The following AMPD3 variants were observed in gnomAD, a reference collection of about 807,000 sequenced individuals.
AMPD3 encodes AMP deaminase 3.
Under a neutral mutation model 82.3 loss-of-function variants are expected in AMPD3, and 57 were observed. The ratio of observed to expected loss-of-function variants is 0.69; its 90% CI spans 0.56 to 0.86. The LOEUF (loss-of-function observed/expected upper bound fraction) is 0.86. AMPD3 is among the 40% of genes least tolerant of loss of function. AMPD3 has a pLI of 0.00. For synonymous variants in AMPD3, 381 were observed against 394.7 expected (o/e 0.97, Z 0.41); for missense variants, 870 against 1,003.8 (o/e 0.87, Z 1.80).
At chr11:10,470,125 T>C (rs1848546620) in intron 2 of AMPD3, among the ~76,000 whole-genome samples, 1 of 152,000 alleles carries the variant, frequency 6.6e-6, no homozygotes, top group East Asian at 1.9e-4. Context: ...CACGATCAAG[T>C]TGGCTTCATA....
At position 10,500,156 on chromosome 11, in the gene AMPD3, A is replaced by G; in HGVS notation, c.1628A>G (p.Asn543Ser). The change falls in exon 11 of 15, where the codon AAC (asparagine) becomes AGC (serine). Residue 543 changes from asparagine (N) to serine (S), a missense_variant. By Grantham distance (46) the Asn-to-Ser change is conservative. Transcript: ENST00000396553. ...CACATGTTTTCCGACAAGAGCCCAA[A>G]CCCGGACGTCTGGACCAGTGAGCAG... ...SDHMFSDKSP[N>S]PDVWTSEQNP... 1.9e-6 allele frequency: 3 copies of G among 1,614,170 alleles called. No individual in the cohort carries two copies. The highest frequency in any genetic ancestry group is 2.2e-5 in the East Asian group (1 of 44,870).
rs772338681 is a variant in AMPD3 at position 10,495,035 on chromosome 11, G to A, written c.1266+5G>A. 166 of 1,614,040 alleles carry A rather than the reference G, an allele frequency of 1.0e-4. No homozygotes were observed. The highest frequency in any genetic ancestry group is 1.4e-4 in the Non-Finnish European group (162 of 1,180,000). ...TACTTTGCTCGGATGGTCAAGGTGAGTGAACCCTCAGTCTCTCTGAGGCCT... is the reference window on the plus strand; with the variant it reads ...TACTTTGCTCGGATGGTCAAGGTGAATGAACCCTCAGTCTCTCTGAGGCCT... On this transcript the variant is annotated splice_donor_5th_base_variant and intron_variant, in intron 8 of 14. Transcript: ENST00000396553.
intron 1 of AMPD3, chr11:10,455,809 T>G (rs1848075279): frequency 1.4e-6 from 1 of 698,628 alleles, no homozygotes; most frequent in Non-Finnish European, 1.8e-6. Flanking sequence ...TGGGGTGCCC[T>G]TGGGAGGGCT....
intron 2 of AMPD3, among the ~76,000 whole-genome samples, chr11:10,476,084 TG>T (rs1848727891): frequency 6.6e-6 from 1 of 152,188 alleles, no homozygotes; most frequent in Non-Finnish European, 1.5e-5. Flanking sequence ...TGTGGCAATT[TG>T]TTCTGCAGCA....
chr11:10,461,967 A>G (rs907025295), intron 2 of AMPD3, among the ~76,000 whole-genome samples: 8 of 152,198 alleles, frequency 5.3e-5, no homozygotes, highest in Non-Finnish European at 7.3e-5. Context: ...ATGTGAAAAA[A>G]TACACACCAT....
chr11:10,473,767 A>T (rs890710234), intron 2 of AMPD3, among the ~76,000 whole-genome samples: 6 of 152,136 alleles, frequency 3.9e-5, no homozygotes, highest in Non-Finnish European at 5.9e-5. Context: ...CCCTCCTTAG[A>T]TGGGGGTCCC....
intron 12 of AMPD3, 124 bp downstream of exon 12, chr11:10,501,714 G>T: frequency 6.6e-7 from 1 of 1,511,094 alleles, no homozygotes; most frequent in Non-Finnish European, 8.8e-7. Context: ...TCCTTATCTT[G>T]GTTTTATTTT....
At chr11:10,461,355 T>A in intron 1 of AMPD3, 160 bp from the exon 2 acceptor site, 1 of 1,592,386 alleles carries the variant, frequency 6.3e-7, no homozygotes, top group Non-Finnish European at 8.5e-7. Flanking sequence ...CTTATTGAGC[T>A]AATTTTGAAA....
intron 2 of AMPD3, among the ~76,000 whole-genome samples, chr11:10,465,564 G>A (rs1384581882): frequency 6.6e-6 from 1 of 152,196 alleles, no homozygotes; most frequent in Non-Finnish European, 1.5e-5. Context: ...CCCAAGGAGG[G>A]TGAGCCAAAG....
At position 10,495,605 on chromosome 11, in the gene AMPD3, G is replaced by A. The variant is rs376077336; in HGVS notation, c.1302G>A (p.Gln434=). The part of the protein sequence containing the change: ...VARELEESKY[Q]YSEPRLSIYG... ...GGGAGCTGGAGGAGAGCAAGTACCAGTACTCAGAGCCACGGCTCTCCATCT... is the reference window on the plus strand; with the variant it reads ...GGGAGCTGGAGGAGAGCAAGTACCAATACTCAGAGCCACGGCTCTCCATCT... Residue 434 remains glutamine (Q), a synonymous_variant, in exon 9 of 15, where the codon CAG becomes CAA. Transcript: ENST00000396553. 806 of 1,613,474 alleles carry A rather than the reference G, an allele frequency of 5.0e-4. No homozygotes were observed. The highest frequency in any genetic ancestry group is 6.7e-4 in the Non-Finnish European group (786 of 1,180,036).
rs747321609 is a variant in AMPD3 at position 10,484,451 on chromosome 11, G to A, written c.590-369G>A. On this transcript the variant is annotated intron_variant, in intron 4 of 14. Transcript: ENST00000396553. The stretch of plus-strand genomic sequence containing the variant: ...ACCGCTGCTCTTTTTAATATTCCTG[G>A]AATCTCTGAAGTGCCGAGGAAAATG... The A allele has an allele frequency of 4.1e-6, 4 of 985,174 alleles. No individual in the cohort carries two copies. The African/African-American group carries it at 7.0e-5, about 17-fold the overall frequency. 61.0% of individuals were successfully genotyped at this position (985,174 alleles called of 1,614,324 possible).
At chr11:10,490,841 G>A (rs991737359) in intron 6 of AMPD3, among the ~76,000 whole-genome samples, 1 of 152,196 alleles carries the variant, frequency 6.6e-6, no homozygotes, top group Non-Finnish European at 1.5e-5. Flanking sequence ...TGCATCCCAC[G>A]TGAGCCCAGC....
chr11:10,487,754 C>T (rs1307598802), intron 6 of AMPD3, among the ~76,000 whole-genome samples: 1 of 152,100 alleles, frequency 6.6e-6, no homozygotes, highest in Non-Finnish European at 1.5e-5. Flanking sequence ...TCTTTGGTCC[C>T]CTCCTTGTGT....
Position 10,505,910 on chromosome 11 carries a change from C to A in AMPD3, c.*26C>A. The A allele has an allele frequency of 6.2e-7, 1 of 1,613,598 alleles. No homozygotes were observed. The highest frequency in any genetic ancestry group is 8.5e-7 in the Non-Finnish European group (1 of 1,179,856). ...GTCCAGCATTTGACATGCATTTTAA[C>A]TTTTTGGTTCAATTTCAAGTCTGCT... is the stretch of plus-strand genomic sequence containing the variant. On this transcript the variant is annotated 3_prime_UTR_variant, in exon 15 of 15. Coordinates refer to ENST00000396553, the MANE Select transcript of AMPD3 (RefSeq NM_001025389.2).
intron 3 of AMPD3, among the ~76,000 whole-genome samples, chr11:10,480,273 G>A (rs1048304171): frequency 2.6e-5 from 4 of 152,246 alleles, no homozygotes; most frequent in African/African-American, 9.6e-5. Flanking sequence ...CCTCTCTGAT[G>A]TCCTTAGCCA....
chr11:10,489,831 GCAC>G (rs1015508041), intron 6 of AMPD3, among the ~76,000 whole-genome samples: 2 of 151,928 alleles, frequency 1.3e-5, no homozygotes, highest in Admixed American at 1.3e-4. Flanking sequence ...TAGGTGCCTG[GCAC>G]CACTCCTGGC....
chr11:10,471,994 C>T (rs1226337690), intron 2 of AMPD3, among the ~76,000 whole-genome samples: 9 of 152,124 alleles, frequency 5.9e-5, no homozygotes, highest in African/African-American at 9.7e-5. Flanking sequence ...CACATGCACA[C>T]GTATGTTTAT....
rs1849012914 is a variant in AMPD3, at chr11:10,484,714, G to A, written c.590-106G>A. The A allele has an allele frequency of 8.5e-6, 12 of 1,419,572 alleles. No individual in the cohort carries two copies. The South Asian group carries it at 1.4e-4, about 16-fold the overall frequency. 87.9% of individuals were successfully genotyped at this position (1,419,572 alleles called of 1,614,324 possible). On this transcript the variant is annotated intron_variant, in intron 4 of 14. Transcript: ENST00000396553. ...CATATGAGATGCGGGGCCGGCGCAG[G>A]GTTGGATTTTGGGCAGGAAGGCCAG...
At chr11:10,476,598 A>G (rs1848746322) in intron 2 of AMPD3, among the ~76,000 whole-genome samples, 1 of 151,896 alleles carries the variant, frequency 6.6e-6, no homozygotes. Context: ...TTTGGAGGTG[A>G]GGTTGCATGG....
Sources: gnomAD v4.1 joint callset for allele counts (sites outside exome capture counted in the v4.1 genomes callset) on GRCh38, gnomAD v4.1.1 for gene constraint, MANE v1.5 for transcripts, NCBI Gene and HGNC (gene_info 2026-07-23, HGNC 2026-07-21) for gene names.